The following MEI4 variants were observed in gnomAD, a reference collection of about 807,000 sequenced individuals.
The protein encoded by MEI4 is meiosis-specific protein MEI4.
MEI4 carries 27 observed loss-of-function variants against 31.4 expected under a neutral mutation model. That is an observed-to-expected ratio of 0.86 (90% CI 0.63 to 1.19). The LOEUF (loss-of-function observed/expected upper bound fraction) is 1.19. Ranked by LOEUF, MEI4 falls within the 50% of genes most tolerant of loss-of-function variation. The pLI is 0.00. For missense variants in MEI4, 329 were observed against 398.9 expected, an observed-to-expected ratio of 0.82 and a Z score of 1.49; for synonymous variants, 122 against 145.4, an observed-to-expected ratio of 0.84 and a Z score of 1.16.
chr6:77,859,312 G>A (rs1770813789), intron 4 of MEI4, among the ~76,000 whole-genome samples: 2 of 152,100 alleles, frequency 1.3e-5, no homozygotes, highest in Admixed American at 1.3e-4. Flanking sequence ...ATTGTAAATA[G>A]TGCTGTAATA....
At chr6:77,669,821 A>C (rs1768705745) in intron 1 of MEI4, among the ~76,000 whole-genome samples, 1 of 152,190 alleles carries the variant, frequency 6.6e-6, no homozygotes, top group African/African-American at 2.4e-5. Flanking sequence ...ATTTCAGGTA[A>C]GGAAACTGAG....
At chr6:77,876,093 A>G (rs1362258209) in intron 4 of MEI4, among the ~76,000 whole-genome samples, 2 of 152,168 alleles carry the variant, frequency 1.3e-5, no homozygotes, top group Non-Finnish European at 2.9e-5. Context: ...CTCTATCATG[A>G]CCCAGGTCAG....
intron 3 of MEI4, among the ~76,000 whole-genome samples, chr6:77,807,114 T>C (rs1408127911): frequency 6.6e-6 from 1 of 151,542 alleles, no homozygotes; most frequent in Non-Finnish European, 1.5e-5. Context: ...TCTTGACATA[T>C]GCTATTTCTT....
chr6:77,664,300 G>T (rs895450362), intron 1 of MEI4, among the ~76,000 whole-genome samples: 3 of 152,166 alleles, frequency 2.0e-5, no homozygotes, highest in Non-Finnish European at 4.4e-5. Flanking sequence ...ACTTTTTGGG[G>T]TCTAGGGCTG....
rs573952233 is a variant in MEI4, at chr6:77,786,120, T to G, written c.768+24455T>G. 3.3e-5 allele frequency among the ~76,000 whole-genome samples: 5 copies of G among 152,290 alleles called. No individual in the cohort carries two copies. In the South Asian group the frequency reaches 1.0e-3, roughly 32 times the overall value. The stretch of plus-strand genomic sequence containing the variant: ...AAAAAATTATGGAATGGGAATTATT[T>G]GATTAAACTATTTTCTTAATGTTCT... On this transcript the variant is annotated intron_variant, in intron 3 of 4. Coordinates refer to ENST00000684080, the MANE Select transcript of MEI4 (RefSeq NM_001322247.2).
chr6:77,736,065 A>G (rs931565010), intron 2 of MEI4, among the ~76,000 whole-genome samples: 1 of 152,080 alleles, frequency 6.6e-6, no homozygotes, highest in Non-Finnish European at 1.5e-5. Flanking sequence ...TTAAGTCTGC[A>G]GAGGTTACTG....
intron 3 of MEI4, among the ~76,000 whole-genome samples, chr6:77,774,278 C>T (rs746183634): frequency 6.6e-5 from 10 of 151,738 alleles, no homozygotes; most frequent in Non-Finnish European, 1.0e-4. Context: ...CATCATCAGA[C>T]GAATGGATAA....
At chr6:77,802,680 C>G (rs1417384926) in intron 3 of MEI4, among the ~76,000 whole-genome samples, 1 of 152,162 alleles carries the variant, frequency 6.6e-6, no homozygotes, top group African/African-American at 2.4e-5. Context: ...TGACAAAACT[C>G]TCTCAGCATT....
chr6:77,679,336 T>G (rs1768908001), intron 1 of MEI4, among the ~76,000 whole-genome samples: 1 of 152,210 alleles, frequency 6.6e-6, no homozygotes, highest in South Asian at 2.1e-4. Context: ...TTTTTAAATC[T>G]TTTATATCGT....
intron 1 of MEI4, among the ~76,000 whole-genome samples, chr6:77,658,091 G>C (rs958797647): frequency 6.6e-6 from 1 of 152,190 alleles, no homozygotes. Context: ...ATTTCACCTG[G>C]GTGCAGGCGG....
intron 3 of MEI4, among the ~76,000 whole-genome samples, chr6:77,779,989 T>C (rs1768551961): frequency 1.3e-5 from 2 of 152,190 alleles, no homozygotes; most frequent in Admixed American, 6.5e-5. Flanking sequence ...ACAAGTATTC[T>C]AAAGAGTTTG....
At chr6:77,812,866 A>G (rs574611623) in intron 3 of MEI4, among the ~76,000 whole-genome samples, 1 of 152,108 alleles carries the variant, frequency 6.6e-6, no homozygotes, top group South Asian at 2.1e-4. Flanking sequence ...CCCCTTTGAC[A>G]GAGGTGTAGA....
intron 2 of MEI4, among the ~76,000 whole-genome samples, chr6:77,745,001 G>A (rs1162355173): frequency 1.3e-5 from 2 of 152,176 alleles, no homozygotes; most frequent in Admixed American, 6.6e-5. Context: ...ACCGGTACCA[G>A]CCACTGCAAA....
At chr6:77,694,344 G>A (rs899332279) in intron 2 of MEI4, among the ~76,000 whole-genome samples, 32 of 151,986 alleles carry the variant, frequency 2.1e-4, no homozygotes, top group Non-Finnish European at 3.8e-4. Flanking sequence ...CATGTGTCAT[G>A]TTGGTGTGCT....
At chr6:77,800,906 G>A (rs1769237187) in intron 3 of MEI4, among the ~76,000 whole-genome samples, 1 of 152,144 alleles carries the variant, frequency 6.6e-6, no homozygotes, top group Non-Finnish European at 1.5e-5. Flanking sequence ...GTATTTTATT[G>A]AGGATTGTTG....
At chr6:77,795,149 C>A (rs1279773242) in intron 3 of MEI4, among the ~76,000 whole-genome samples, 1 of 151,922 alleles carries the variant, frequency 6.6e-6, no homozygotes, top group Non-Finnish European at 1.5e-5. Context: ...TAACTTTACA[C>A]CTAAAATAAC....
At chr6:77,830,842 C>A (rs1262043240) in intron 4 of MEI4, among the ~76,000 whole-genome samples, 1 of 151,796 alleles carries the variant, frequency 6.6e-6, no homozygotes, top group Non-Finnish European at 1.5e-5. Context: ...TTGGCCTGGA[C>A]AAAGATTTTT....
intron 4 of MEI4, among the ~76,000 whole-genome samples, chr6:77,878,905 G>A (rs1398571): frequency 0.83 from 125,604 of 152,078 alleles, 52,386 homozygotes; most frequent in East Asian, 0.95. Flanking sequence ...GTATGGCAAC[G>A]TATAGACAGT....
intron 2 of MEI4, among the ~76,000 whole-genome samples, chr6:77,734,653 A>G (rs867817023): frequency 4.4e-4 from 67 of 150,964 alleles, no homozygotes; most frequent in African/African-American, 1.4e-3. Context: ...AGTTAATATT[A>G]TTATGTGTGA....
Sources: gnomAD v4.1 joint callset for allele counts (sites outside exome capture counted in the v4.1 genomes callset) on GRCh38, gnomAD v4.1.1 for gene constraint, MANE v1.5 for transcripts, NCBI Gene and HGNC (gene_info 2026-07-23, HGNC 2026-07-21) for gene names.